Variants in RAP1A observed in about 807,000 individuals in gnomAD.
RAP1A encodes ras-related protein Rap-1A.
A neutral mutation model predicts 26.4 loss-of-function variants in RAP1A; 6 were observed. The observed-to-expected ratio is 0.23, with a 90% CI of 0.12 to 0.45. The LOEUF (loss-of-function observed/expected upper bound fraction) is 0.45. Among genes scored for constraint, RAP1A ranks in the 20% least tolerant of loss-of-function variants. RAP1A has a pLI of 0.99. For missense variants in RAP1A, 121 were observed against 217.2 expected, an observed-to-expected ratio of 0.56 and a Z score of 2.78; for synonymous variants, 73 against 79.4, an observed-to-expected ratio of 0.92 and a Z score of 0.43.
chr1:111,625,283 T>A (rs1381458383), intron 1 of RAP1A, among the ~76,000 whole-genome samples: 2 of 152,298 alleles, frequency 1.3e-5, no homozygotes, highest in Non-Finnish European at 2.9e-5. Context: ...TTGTTCATGA[T>A]AGGACTGTGG....
At chr1:111,622,622 C>A (rs74109826) in intron 1 of RAP1A, among the ~76,000 whole-genome samples, 8,086 of 152,210 alleles carry the variant, frequency 0.053, 466 homozygotes, top group African/African-American at 0.14. Context: ...GACAAACATT[C>A]CATGGTAATG....
chr1:111,618,503 C>T (rs980774732), upstream of RAP1A, among the ~76,000 whole-genome samples: 4 of 152,186 alleles, frequency 2.6e-5, no homozygotes, highest in African/African-American at 9.7e-5. Flanking sequence ...GCTATCTCCC[C>T]TCCCCATGTG....
At chr1:111,555,142 G>A (rs1308064761) in intron 1 of RAP1A, among the ~76,000 whole-genome samples, 2 of 151,942 alleles carry the variant, frequency 1.3e-5, no homozygotes, top group Admixed American at 6.6e-5. Context: ...GAGGCAAGAG[G>A]ATCAGTTGAG....
At chr1:111,605,718 C>T (rs1285593596) in intron 1 of RAP1A, among the ~76,000 whole-genome samples, 3 of 152,168 alleles carry the variant, frequency 2.0e-5, no homozygotes, top group African/African-American at 7.2e-5. Flanking sequence ...GAAAATTAGG[C>T]AATAGGATTG....
At chr1:111,571,249 C>T (rs781354247) in intron 1 of RAP1A, among the ~76,000 whole-genome samples, 12 of 152,308 alleles carry the variant, frequency 7.9e-5, no homozygotes, top group South Asian at 2.1e-4. Context: ...GGGCAGGGCA[C>T]GCAAAGTTTC....
At chr1:111,635,040 AG>A (rs1659686092) in intron 1 of RAP1A, among the ~76,000 whole-genome samples, 1 of 152,236 alleles carries the variant, frequency 6.6e-6, no homozygotes, top group Non-Finnish European at 1.5e-5. Context: ...AAAGATTCTT[AG>A]GTGATAAAAT....
At chr1:111,691,243 A>C (rs1661656239) in intron 1 of RAP1A, 91 bp from the exon 2 acceptor site, 1 of 845,554 alleles carries the variant, frequency 1.2e-6, no homozygotes, top group Non-Finnish European at 1.7e-6. Context: ...AAGGAAAAAA[A>C]CAAAACAAAC....
intron 1 of RAP1A, among the ~76,000 whole-genome samples, chr1:111,570,173 G>A (rs971365175): frequency 6.6e-6 from 1 of 152,126 alleles, no homozygotes; most frequent in African/African-American, 2.4e-5. Flanking sequence ...CATGATTGGT[G>A]AGTGTGGCAG....
chr1:111,572,765 G>A (rs1658074587), intron 1 of RAP1A, among the ~76,000 whole-genome samples: 1 of 152,014 alleles, frequency 6.6e-6, no homozygotes, highest in South Asian at 2.1e-4. Flanking sequence ...TTTATTTTAG[G>A]TTCGGGGGTA....
At chr1:111,588,491 A>C (rs1031087765) in intron 1 of RAP1A, among the ~76,000 whole-genome samples, 2 of 152,286 alleles carry the variant, frequency 1.3e-5, no homozygotes, top group East Asian at 1.9e-4. Flanking sequence ...CATGGAACAC[A>C]CAAGATCCCC....
intron 2 of RAP1A, 64 bp from the exon 3 acceptor site, chr1:111,695,277 G>T: frequency 8.3e-7 from 1 of 1,207,946 alleles, no homozygotes. Context: ...TAATTTGTAG[G>T]TTAAGTAACA....
intron 1 of RAP1A, among the ~76,000 whole-genome samples, chr1:111,643,553 G>T (rs776833886): frequency 1.3e-4 from 20 of 152,168 alleles, no homozygotes; most frequent in Non-Finnish European, 2.8e-4. Context: ...CTCAAACAAT[G>T]ACATATATAA....
intron 6 of RAP1A, among the ~76,000 whole-genome samples, chr1:111,708,346 A>G (rs1354336731): frequency 6.6e-6 from 1 of 152,234 alleles, no homozygotes; most frequent in Non-Finnish European, 1.5e-5. Context: ...CTTTTGTCCT[A>G]TTTTAGACAA....
At chr1:111,616,573 G>A (rs1557866285), upstream of RAP1A, among the ~76,000 whole-genome samples, 2 of 152,138 alleles carry the variant, frequency 1.3e-5, no homozygotes, top group African/African-American at 4.8e-5. Flanking sequence ...AGGGACCACA[G>A]CAAACCATTG....
intron 1 of RAP1A, chr1:111,627,614 G>T (rs574482225): frequency 6.6e-6 from 1 of 151,886 alleles, no homozygotes; most frequent in South Asian, 2.1e-4. Context: ...TACATTCTTG[G>T]GTGGTAATAG....
At chr1:111,672,195 A>G (rs1370575328) in intron 1 of RAP1A, among the ~76,000 whole-genome samples, 2 of 152,152 alleles carry the variant, frequency 1.3e-5, no homozygotes, top group African/African-American at 4.8e-5. Flanking sequence ...GTTAAATTCT[A>G]TTCATGATTC....
At chr1:111,575,380 T>C (rs1658127326) in intron 1 of RAP1A, among the ~76,000 whole-genome samples, 1 of 152,222 alleles carries the variant, frequency 6.6e-6, no homozygotes, top group Non-Finnish European at 1.5e-5. Flanking sequence ...CTCAAACTCC[T>C]GGCCTCAAGT....
At chr1:111,556,901 T>TTATA (rs140554076) in intron 1 of RAP1A, among the ~76,000 whole-genome samples, 78 of 148,402 alleles carry the variant, frequency 5.3e-4, no homozygotes, top group African/African-American at 1.1e-3. Context: ...ACATTTTACA[T>TTATA]TATATATATG....
intron 1 of RAP1A, among the ~76,000 whole-genome samples, chr1:111,655,275 AAAC>A (rs1242205069): frequency 3.9e-5 from 6 of 152,010 alleles, no homozygotes; most frequent in African/African-American, 1.2e-4. Flanking sequence ...ACAAAAAAAA[AAAC>A]AACAGAAATT....
Sources: gnomAD v4.1 joint callset for allele counts (sites outside exome capture counted in the v4.1 genomes callset) on GRCh38, gnomAD v4.1.1 for gene constraint, MANE v1.5 for transcripts, NCBI Gene and HGNC (gene_info 2026-07-23, HGNC 2026-07-21) for gene names.